Variants in ACSF2 observed in about 807,000 individuals in gnomAD.
ACSF2 encodes the protein acyl-CoA synthetase family member 2.
In ACSF2, 52 loss-of-function variants were observed where a neutral mutation model predicts 79.3. The ratio of observed to expected loss-of-function variants is 0.66; its 90% CI spans 0.53 to 0.83. The LOEUF (loss-of-function observed/expected upper bound fraction) is 0.83. Ranked by LOEUF, ACSF2 falls within the 40% of genes least tolerant of loss-of-function variation. The pLI is 0.00. For synonymous variants in ACSF2, 283 were observed against 312.6 expected (o/e 0.91, Z 1.00); for missense variants, 661 against 803.3 (o/e 0.82, Z 2.14).
At chr17:50,447,312 G>C (rs1289845027) in intron 1 of ACSF2, among the ~76,000 whole-genome samples, 1 of 152,128 alleles carries the variant, frequency 6.6e-6, no homozygotes, top group East Asian at 1.9e-4. Flanking sequence ...GGTTGAGACA[G>C]GTAGATCACT....
intron 1 of ACSF2, among the ~76,000 whole-genome samples, chr17:50,448,990 T>C (rs980781923): frequency 2.6e-5 from 4 of 151,768 alleles, no homozygotes; most frequent in Admixed American, 6.6e-5. Flanking sequence ...CAAAGTTGTA[T>C]GACATATACA....
At chr17:50,465,667 A>G (rs1296015678) in intron 10 of ACSF2, 2 of 1,609,738 alleles carry the variant, frequency 1.2e-6, no homozygotes, top group African/African-American at 1.3e-5. Context: ...CCTCTATCAC[A>G]TGAGGGTGGG....
intron 2 of ACSF2, 128 bp downstream of exon 2, chr17:50,461,000 G>T: frequency 8.2e-7 from 1 of 1,218,088 alleles, no homozygotes. Context: ...GAACCCCGAG[G>T]GATGGCAGGA....
intron 1 of ACSF2, among the ~76,000 whole-genome samples, chr17:50,447,559 A>AATG (rs1217935357): frequency 1.3e-5 from 2 of 151,790 alleles, no homozygotes; most frequent in Non-Finnish European, 2.9e-5. Flanking sequence ...TAATAATAAT[A>AATG]ATAATAATGA....
intron 1 of ACSF2, among the ~76,000 whole-genome samples, chr17:50,430,471 G>T (rs1915427180): frequency 6.6e-6 from 1 of 152,120 alleles, no homozygotes; most frequent in African/African-American, 2.4e-5. Flanking sequence ...TTCGAGACCA[G>T]CCTGGCCAAT....
chr17:50,471,135 G>A lies in ACSF2; in HGVS notation c.1323G>A (p.Glu441=). ...ESVGRIMPHT[E]ARIMNMEAGT... is the part of the protein sequence containing the mutation. ...TGGGCAGAATTATGCCTCACACGGA[G>A]GTGAGCCCCTGACCAAGACTCCAAA... The change falls in exon 11 of 16, where the codon GAG becomes GAA. Residue 441 remains glutamate (E), a splice_region_variant and synonymous_variant. Transcript: ENST00000300441. The surrounding 1 kb of genome is among the most constrained non-coding windows in gnomAD (Gnocchi z 4.1). 6.2e-7 allele frequency: 1 copy of A among 1,613,682 alleles called. No individual in the cohort carries two copies. The highest frequency in any genetic ancestry group is 8.5e-7 in the Non-Finnish European group (1 of 1,179,674).
At chr17:50,449,666 G>A (rs1051720757) in intron 1 of ACSF2, among the ~76,000 whole-genome samples, 3 of 151,544 alleles carry the variant, frequency 2.0e-5, no homozygotes, top group East Asian at 1.9e-4. Flanking sequence ...CACCCGCCTC[G>A]GCCTCCCAAA....
At chr17:50,466,397 T>G (rs945817579) in intron 10 of ACSF2, among the ~76,000 whole-genome samples, 4 of 152,210 alleles carry the variant, frequency 2.6e-5, no homozygotes, top group African/African-American at 4.8e-5. Flanking sequence ...CCAGGTGGTG[T>G]TATTTTCAAT....
chr17:50,426,405 G>C lies in ACSF2; in HGVS notation c.128+16G>C. On this transcript the variant is annotated intron_variant, in intron 1 of 15. Coordinates refer to ENST00000300441, the MANE Select transcript of ACSF2 (RefSeq NM_025149.6). Reference sequence around the variant, plus strand: ...GCTTCCTCAGGTACTGGCCCCCCGCGGGAAGAGAGGGGGCGGGGCAGTTCC... The same window carrying C: ...GCTTCCTCAGGTACTGGCCCCCCGCCGGAAGAGAGGGGGCGGGGCAGTTCC... 1 of 1,311,548 alleles carries C rather than the reference G, an allele frequency of 7.6e-7. No individual in the cohort carries two copies. The highest frequency in any genetic ancestry group is 9.8e-7 in the Non-Finnish European group (1 of 1,023,224). 81.2% of individuals were successfully genotyped at this position (1,311,548 alleles called of 1,614,324 possible).
At chr17:50,464,516 A>G in intron 10 of ACSF2, 2 of 677,602 alleles carry the variant, frequency 3.0e-6, no homozygotes, top group Non-Finnish European at 5.4e-6. Context: ...ACATACATTT[A>G]TATTTATAGA....
chr17:50,473,853 T>C (rs759568966), intron 13 of ACSF2, 41 bp from the exon 14 acceptor site: 1 of 1,611,004 alleles, frequency 6.2e-7, no homozygotes, highest in South Asian at 1.1e-5. Context: ...GAAACACACA[T>C]GAACACGGTG....
chr17:50,462,920 T>C, intron 6 of ACSF2: 1 of 584,792 alleles, frequency 1.7e-6, no homozygotes, highest in East Asian at 2.9e-5. Context: ...AGCCAGCTTG[T>C]GGGTGGCAGA....
Position 50,463,900 on chromosome 17 carries a change from A to G in ACSF2, c.1129A>G (p.Met377Val), listed in dbSNP as rs1398046752. The G allele has an allele frequency of 1.9e-6, 3 of 1,613,054 alleles. No individual in the cohort carries two copies. In the African/African-American group the frequency reaches 4.0e-5, roughly 22 times the overall value. Reference protein sequence around the residue: ...PDFSSYDISTMCGGVIAGSPA... With the variant: ...PDFSSYDISTVCGGVIAGSPA... ...CTTCTCCAGTTATGACATCTCGACCATGTGTGGAGGTGGGGTGGGGCCAAG... is the reference window on the plus strand; with the variant it reads ...CTTCTCCAGTTATGACATCTCGACCGTGTGTGGAGGTGGGGTGGGGCCAAG... Residue 377 changes from methionine (M) to valine (V), a missense_variant, in exon 9 of 16, where the codon ATG (methionine) becomes GTG (valine). Coordinates refer to ENST00000300441, the MANE Select transcript of ACSF2 (RefSeq NM_025149.6). This position sits in a 1 kb window ranked among gnomAD's most constrained non-coding sequence, Gnocchi z 4.6.
At chr17:50,442,288 A>G (rs2030978953) in intron 1 of ACSF2, among the ~76,000 whole-genome samples, 1 of 151,802 alleles carries the variant, frequency 6.6e-6, no homozygotes. Flanking sequence ...CTGGGTGACA[A>G]GAGTGAAACT....
Position 50,473,444 on chromosome 17 carries a change from A to G in ACSF2, c.1476-221A>G, listed in dbSNP as rs2033206935. On this transcript the variant is annotated intron_variant, in intron 12 of 15. Transcript: ENST00000300441. ...TGAAAAGCTATGTATAGATGTGTTG[A>G]GAGAGACAGAATATGTTATAGGTAT... 3 of 580,794 alleles carry G rather than the reference A, an allele frequency of 5.2e-6. No individual in the cohort carries two copies. In the South Asian group the frequency reaches 6.2e-5, roughly 12 times the overall value. The allele number at this position is 580,794 out of a possible 1,614,324, so 36.0% of individuals were successfully genotyped here. A position where few individuals can be genotyped will look rare whatever the true frequency, so the allele number is the denominator to read the frequency against.
rs11390963 is a variant in ACSF2, at chr17:50,445,806, T to TAA, written c.129-14856_129-14855dup. Among the ~76,000 whole-genome samples, 1,336 of 145,400 alleles carry TAA rather than the reference T, an allele frequency of 9.2e-3. 10 individuals are homozygous for TAA. Among genetic ancestry groups the TAA allele is most frequent in the Non-Finnish European group, 0.011 (754 of 66,446 alleles). On this transcript the variant is annotated intron_variant, in intron 1 of 15. Transcript: ENST00000300441. ...TCAGAGCAAGACCCCATCCTATCTT[T>TAA]AAAAAAAAAAAAAAAATTGTAAAGC...
chr17:50,456,134 T>C (rs1326883372), intron 1 of ACSF2, among the ~76,000 whole-genome samples: 1 of 152,108 alleles, frequency 6.6e-6, no homozygotes, highest in East Asian at 1.9e-4. Flanking sequence ...CTGAACAGCT[T>C]CAAACTTTTC....
chr17:50,448,129 A>AGATGGTAG (rs140032294), intron 1 of ACSF2, among the ~76,000 whole-genome samples: 10,362 of 152,260 alleles, frequency 0.068, 379 homozygotes, highest in African/African-American at 0.095. Flanking sequence ...ACACAAATCT[A>AGATGGTAG]GATGGTAGAG....
At chr17:50,469,057 G>T in intron 10 of ACSF2, 1 of 1,298,878 alleles carries the variant, frequency 7.7e-7, no homozygotes, top group Non-Finnish European at 9.7e-7. Flanking sequence ...TACCGTGCAT[G>T]AGGGGGTGGG....
Sources: allele counts gnomAD v4.1 joint callset (sites outside exome capture counted in the v4.1 genomes callset), GRCh38; gene constraint gnomAD v4.1.1; non-coding constraint Gnocchi (gnomAD v3.1); transcripts MANE v1.5; gene names NCBI Gene and HGNC (gene_info 2026-07-23, HGNC 2026-07-21).